The following WAPL variants were observed in gnomAD, a reference collection of about 807,000 sequenced individuals.
The protein encoded by WAPL is WAPL cohesin release factor.
In WAPL, 5 loss-of-function variants were observed where a neutral mutation model predicts 121.0. That is an observed-to-expected ratio of 0.04 (90% confidence interval 0.02 to 0.09). WAPL has a LOEUF of 0.09. Among genes scored for constraint, WAPL ranks in the 10% least tolerant of loss-of-function variants. WAPL has a pLI of 1.00. For missense variants in WAPL, 999 were observed against 1,410.8 expected, an observed-to-expected ratio of 0.71 and a Z score of 4.68; for synonymous variants, 480 against 481.5, an observed-to-expected ratio of 1.00 and a Z score of 0.04.
intron 2 of WAPL, among the ~76,000 whole-genome samples, chr10:86,511,463 A>C (rs1842462665): frequency 6.6e-6 from 1 of 152,244 alleles, no homozygotes. Flanking sequence ...TATCTCATTC[A>C]CATCAGAATA....
At chr10:86,461,000 A>G (rs542840051) in intron 10 of WAPL, among the ~76,000 whole-genome samples, 176 bp downstream of exon 10, 7 of 152,354 alleles carry the variant, frequency 4.6e-5, no homozygotes, top group Non-Finnish European at 8.8e-5. Context: ...GGCATGAGCC[A>G]CCGTGCCCGG....
chr10:86,472,563 C>T lies in WAPL; in HGVS notation c.1893+49G>A. 6.3e-7 allele frequency: 1 copy of T among 1,589,556 alleles called. No individual in the cohort carries two copies. Among genetic ancestry groups the T allele is most frequent in the Non-Finnish European group, 8.6e-7 (1 of 1,169,316 alleles). ...GAAGATATTAAATGGCTAAATGTTA[C>T]ATACAAAAATCTATCAACATGCAGT... On this transcript the variant is annotated intron_variant, in intron 6 of 18. Coordinates refer to ENST00000298767, the MANE Select transcript of WAPL (RefSeq NM_015045.5). The surrounding 1 kb of genome is among the most constrained non-coding windows in gnomAD (Gnocchi z 4.2).
intron 8 of WAPL, among the ~76,000 whole-genome samples, chr10:86,470,325 C>T (rs977763820): frequency 5.9e-5 from 9 of 152,066 alleles, no homozygotes; most frequent in African/African-American, 1.4e-4. Flanking sequence ...TGAGCCACCG[C>T]GCCCAGCCCA....
rs190463830 is a variant in WAPL, at chr10:86,458,244, T to C, written c.2657+745A>G. On this transcript the variant is annotated intron_variant, in intron 12 of 18. Transcript: ENST00000298767. Reference sequence around the variant, plus strand: ...CTGGATAGGCTAAAGGCCAGAGAACTAGGGCAGATATCAAGAACTAGGACA... The same window carrying C: ...CTGGATAGGCTAAAGGCCAGAGAACCAGGGCAGATATCAAGAACTAGGACA... 7.9e-5 allele frequency among the ~76,000 whole-genome samples: 12 copies of C among 152,316 alleles called. No homozygotes were observed. In the East Asian group the frequency reaches 2.3e-3, roughly 29 times the overall value.
intron 9 of WAPL, among the ~76,000 whole-genome samples, chr10:86,464,703 GCA>G (rs1204426914): frequency 6.6e-6 from 1 of 152,166 alleles, no homozygotes; most frequent in African/African-American, 2.4e-5. Context: ...GGGCGTGATG[GCA>G]CACGCCTGTA....
At chr10:86,475,332 T>C (rs1246014983) in intron 4 of WAPL, among the ~76,000 whole-genome samples, 1 of 152,178 alleles carries the variant, frequency 6.6e-6, no homozygotes, top group Non-Finnish European at 1.5e-5. Flanking sequence ...AATTAGAGAT[T>C]TTCTCTTATG....
At position 86,500,575 on chromosome 10, in the gene WAPL, G is replaced by A. The variant is rs138214836; in HGVS notation, c.668C>T (p.Ser223Leu). Reference sequence around the variant, plus strand: ...AGATCCCTTGATTGGAGATATTTCTGATGGTGATTCTGGCCTTTTCCCAAA... The same window carrying A: ...AGATCCCTTGATTGGAGATATTTCTAATGGTGATTCTGGCCTTTTCCCAAA... ...SQFGKRPESP[S>L]EISPIKGSVR... The change falls in exon 3 of 19, where the codon TCA (serine) becomes TTA (leucine). Residue 223 changes from serine to leucine, a missense_variant. Transcript: ENST00000298767. 5.5e-5 allele frequency: 88 copies of A among 1,613,990 alleles called. No homozygotes were observed. The highest frequency in any genetic ancestry group is 6.7e-5 in the Non-Finnish European group (79 of 1,180,002).
Position 86,472,651 on chromosome 10 carries a change from A to G in WAPL, c.1854T>C (p.Asp618=), listed in dbSNP as rs763330119. The G allele has an allele frequency of 5.0e-6, 8 of 1,613,842 alleles. No homozygotes were observed. Among genetic ancestry groups the G allele is most frequent in the Non-Finnish European group, 6.8e-6 (8 of 1,179,924 alleles). ...TVTIPTQPYQ[D]IVTALKCRRE... ...GTCTGCATTTCAGTGCAGTAACTATATCTTGGTAGGGCTGAGTAGGTATTG... is the reference window on the plus strand; with the variant it reads ...GTCTGCATTTCAGTGCAGTAACTATGTCTTGGTAGGGCTGAGTAGGTATTG... Residue 618 remains aspartate, a synonymous_variant, in exon 6 of 19, where the codon GAT becomes GAC. Coordinates refer to ENST00000298767, the MANE Select transcript of WAPL (RefSeq NM_015045.5). This position sits in a 1 kb window ranked among gnomAD's most constrained non-coding sequence, Gnocchi z 4.2.
At chr10:86,485,186 T>C (rs1453162435) in intron 4 of WAPL, among the ~76,000 whole-genome samples, 2 of 150,648 alleles carry the variant, frequency 1.3e-5, no homozygotes, top group African/African-American at 4.9e-5. Flanking sequence ...TCAAGCCTCA[T>C]TTCCTGGGAA....
At position 86,521,656 on chromosome 10, in the gene WAPL, CCGCCGCCGCCTCCTG is replaced by C. The variant is rs762333421; in HGVS notation, c.-329_-315del. 16 of 461,886 alleles carry C rather than the reference CCGCCGCCGCCTCCTG, an allele frequency of 3.5e-5. No individual in the cohort carries two copies. Among genetic ancestry groups the C allele is most frequent in the African/African-American group, 3.3e-4 (16 of 48,308 alleles). The allele number at this position is 461,886 out of a possible 1,614,324, so 28.6% of individuals were successfully genotyped here. On this transcript the variant is annotated 5_prime_UTR_variant, in exon 1 of 19. Coordinates refer to ENST00000298767, the MANE Select transcript of WAPL (RefSeq NM_015045.5). ...GAGCCTGCTGTGTGCCCCCGCTGGG[CCGCCGCCGCCTCCTG>C]CGCCGCCGCTTCCGCCGGTGAATGG...
In WAPL at chr10:86,500,050, A is replaced by G. The variant is rs1842218077; in HGVS notation, c.1193T>C (p.Leu398Pro). The G allele has an allele frequency of 6.2e-7, 1 of 1,613,958 alleles. No individual in the cohort carries two copies. Among genetic ancestry groups the G allele is most frequent in the Non-Finnish European group, 8.5e-7 (1 of 1,180,002 alleles). ...TPADLGEAGRLRKKADIATSK... is the reference protein window; with the variant it reads ...TPADLGEAGRPRKKADIATSK... Reference sequence around the variant, plus strand: ...AGTTGCAATATCTGCCTTTTTTCTGAGACGACCAGCTTCTCCCAAATCTGC... The same window carrying G: ...AGTTGCAATATCTGCCTTTTTTCTGGGACGACCAGCTTCTCCCAAATCTGC... The change falls in exon 3 of 19, where the codon CTC becomes CCC. Residue 398 changes from leucine to proline, a missense_variant. Physicochemically the swap from Leu to Pro is moderately conservative, Grantham distance 98. Around this residue, in one of 7 missense-constraint regions of WAPL, gnomAD observed 531 missense variants for 563.1 expected, o/e 0.94. Coordinates refer to ENST00000298767, the MANE Select transcript of WAPL (RefSeq NM_015045.5).
At chr10:86,485,974 A>C (rs913881146) in intron 4 of WAPL, among the ~76,000 whole-genome samples, 1 of 152,222 alleles carries the variant, frequency 6.6e-6, no homozygotes, top group Non-Finnish European at 1.5e-5. Context: ...GCTCAGCTTC[A>C]ACAACTCTTT....
chr10:86,468,922 G>A (rs766142051), intron 8 of WAPL, among the ~76,000 whole-genome samples: 17 of 151,938 alleles, frequency 1.1e-4, no homozygotes, highest in Non-Finnish European at 2.2e-4. Context: ...CCAACATGAT[G>A]AAACCCTGTC....
At chr10:86,471,631 T>G (rs1036656335) in intron 7 of WAPL, among the ~76,000 whole-genome samples, 1 of 152,088 alleles carries the variant, frequency 6.6e-6, no homozygotes, top group Non-Finnish European at 1.5e-5. Flanking sequence ...TTTTAATTAT[T>G]TACTTTATTT....
intron 4 of WAPL, among the ~76,000 whole-genome samples, chr10:86,494,848 AGTACT>A (rs901235984): frequency 6.6e-6 from 1 of 152,200 alleles, no homozygotes; most frequent in African/African-American, 2.4e-5. Context: ...GTTTTGGGGT[AGTACT>A]GTAGAAGAAT....
chr10:86,475,852 T>C (rs1841638634), intron 4 of WAPL, among the ~76,000 whole-genome samples: 1 of 152,188 alleles, frequency 6.6e-6, no homozygotes, highest in African/African-American at 2.4e-5. Flanking sequence ...CAAGAATGAG[T>C]GCCTCAAAGC....
intron 9 of WAPL, among the ~76,000 whole-genome samples, 162 bp from the exon 10 acceptor site, chr10:86,461,449 CAA>C (rs1026040095): frequency 6.6e-6 from 1 of 152,072 alleles, no homozygotes; most frequent in Non-Finnish European, 1.5e-5. Flanking sequence ...CCACATTGAA[CAA>C]AGTTTTTTAA....
At chr10:86,506,117 C>T (rs1842344171) in intron 2 of WAPL, among the ~76,000 whole-genome samples, 1 of 152,134 alleles carries the variant, frequency 6.6e-6, no homozygotes, top group African/African-American at 2.4e-5. Context: ...CACCCGTGGT[C>T]CCAACTTCTC....
intron 9 of WAPL, 73 bp from the exon 10 acceptor site, chr10:86,461,360 A>C: frequency 1.7e-6 from 2 of 1,168,436 alleles, no homozygotes; most frequent in Non-Finnish European, 2.5e-6. Flanking sequence ...TCTTTACAAA[A>C]ATTTACTGCA....
Sources: gnomAD v4.1 joint callset for allele counts (sites outside exome capture counted in the v4.1 genomes callset) on GRCh38, gnomAD v4.1.1 for gene constraint, gnomAD v4.1.1 regional missense constraint, Gnocchi (gnomAD v3.1) non-coding constraint, MANE v1.5 for transcripts, NCBI Gene and HGNC (gene_info 2026-07-23, HGNC 2026-07-21) for gene names.